CSMD1: variants seen among roughly 807,000 people sequenced by gnomAD.
CSMD1 encodes CUB and Sushi multiple domains 1.
CSMD1 carries 213 observed loss-of-function variants against 417.5 expected under a neutral mutation model. The ratio of observed to expected loss-of-function variants is 0.51; its 90% CI spans 0.46 to 0.57. The LOEUF is 0.57. Among genes scored for constraint, CSMD1 ranks in the 20% least tolerant of loss-of-function variants. The pLI is 0.00. For synonymous variants in CSMD1, 2,862 were observed against 1,736.8 expected, an observed-to-expected ratio of 1.65 and a Z score of -16.11; for missense variants, 6,923 against 4,529.7, an observed-to-expected ratio of 1.53 and a Z score of -15.17.
chr8:4,009,354 T>G (rs867342844), intron 4 of CSMD1, among the ~76,000 whole-genome samples: 77 of 152,316 alleles, frequency 5.1e-4, no homozygotes, highest in African/African-American at 1.7e-3. Flanking sequence ...GGACATAATT[T>G]AAAATACAGA....
At chr8:3,889,212 A>G (rs1173561048) in intron 5 of CSMD1, among the ~76,000 whole-genome samples, 8 of 151,878 alleles carry the variant, frequency 5.3e-5, no homozygotes, top group Non-Finnish European at 7.4e-5. Context: ...AGCAGCAGCA[A>G]TAATAATTAA....
chr8:4,825,501 T>G (rs1799773037), intron 1 of CSMD1, among the ~76,000 whole-genome samples: 1 of 152,028 alleles, frequency 6.6e-6, no homozygotes, highest in African/African-American at 2.4e-5. Context: ...TCGCCCGATT[T>G]TTCCTTCCCC....
At chr8:3,591,212 C>G (rs1199546712) in intron 8 of CSMD1, among the ~76,000 whole-genome samples, 1 of 152,132 alleles carries the variant, frequency 6.6e-6, no homozygotes, top group Non-Finnish European at 1.5e-5. Context: ...CAAAAGTTAA[C>G]TCAAACAAAG....
intron 1 of CSMD1, among the ~76,000 whole-genome samples, chr8:4,873,556 T>A (rs1010747913): frequency 6.6e-6 from 1 of 152,112 alleles, no homozygotes; most frequent in Non-Finnish European, 1.5e-5. Context: ...GAACATATGA[T>A]ACTTCAAAGT....
chr8:3,535,923 G>A (rs1180642619), intron 10 of CSMD1, among the ~76,000 whole-genome samples: 1 of 152,130 alleles, frequency 6.6e-6, no homozygotes, highest in African/African-American at 2.4e-5. Flanking sequence ...GCTGCTTCAA[G>A]GCTAGCAGGA....
At chr8:4,395,033 T>A (rs898242737) in intron 3 of CSMD1, among the ~76,000 whole-genome samples, 8 of 152,110 alleles carry the variant, frequency 5.3e-5, no homozygotes, top group Admixed American at 4.6e-4. Flanking sequence ...GCGTGGCATA[T>A]CCCATATCCC....
At chr8:2,995,464 G>A (rs990384548) in intron 54 of CSMD1, among the ~76,000 whole-genome samples, 4 of 152,270 alleles carry the variant, frequency 2.6e-5, no homozygotes, top group Middle Eastern at 3.4e-3. Flanking sequence ...AAATAGTACC[G>A]CCATGCTGGA....
At chr8:4,364,522 T>A (rs1014191719) in intron 3 of CSMD1, among the ~76,000 whole-genome samples, 1 of 141,942 alleles carries the variant, frequency 7.0e-6, no homozygotes, top group Admixed American at 7.3e-5. Flanking sequence ...AGTTAAAACA[T>A]TTTTTAAAAA....
At chr8:3,757,381 C>G (rs541871746) in intron 5 of CSMD1, among the ~76,000 whole-genome samples, 2 of 152,136 alleles carry the variant, frequency 1.3e-5, no homozygotes, top group Admixed American at 1.3e-4. Flanking sequence ...TGGGTGTGTT[C>G]CAATAACACT....
chr8:3,072,776 T>G (rs1813404986), intron 49 of CSMD1, among the ~76,000 whole-genome samples: 1 of 152,196 alleles, frequency 6.6e-6, no homozygotes, highest in East Asian at 1.9e-4. Flanking sequence ...AGCATCGTAT[T>G]GGTTAGCACA....
intron 2 of CSMD1, among the ~76,000 whole-genome samples, chr8:4,628,586 G>A (rs1802302537): frequency 7.2e-6 from 1 of 139,648 alleles, no homozygotes; most frequent in African/African-American, 2.6e-5. Flanking sequence ...CAAGGACAGA[G>A]AACACACACA....
chr8:4,633,531 G>C (rs1318399942), intron 2 of CSMD1, among the ~76,000 whole-genome samples: 3 of 151,698 alleles, frequency 2.0e-5, no homozygotes, highest in Non-Finnish European at 2.9e-5. Context: ...TTACAGGTAA[G>C]AGCCGCCATG....
intron 1 of CSMD1, among the ~76,000 whole-genome samples, chr8:4,811,202 A>C (rs1407580966): frequency 6.6e-6 from 1 of 152,156 alleles, no homozygotes; most frequent in African/African-American, 2.4e-5. Flanking sequence ...TTTCTGGAAA[A>C]TGGTGAATCA....
intron 1 of CSMD1, among the ~76,000 whole-genome samples, chr8:4,652,883 T>G (rs1803997258): frequency 6.6e-6 from 1 of 151,992 alleles, no homozygotes; most frequent in Non-Finnish European, 1.5e-5. Context: ...CATGCTCCTG[T>G]AAGAATCTAA....
chr8:4,047,478 T>A (rs968246871), intron 3 of CSMD1, among the ~76,000 whole-genome samples: 1 of 152,144 alleles, frequency 6.6e-6, no homozygotes, highest in Non-Finnish European at 1.5e-5. Flanking sequence ...TAACTCAGAT[T>A]AGTGGTAGCG....
chr8:4,268,501 T>G (rs986386056), intron 3 of CSMD1, among the ~76,000 whole-genome samples: 2 of 152,192 alleles, frequency 1.3e-5, no homozygotes, highest in Non-Finnish European at 2.9e-5. Context: ...TTGTAGTATT[T>G]AGAGAAACAA....
intron 5 of CSMD1, among the ~76,000 whole-genome samples, chr8:3,838,915 GTA>G (rs1369692822): frequency 2.0e-5 from 2 of 101,696 alleles, no homozygotes; most frequent in Non-Finnish European, 3.5e-5. Flanking sequence ...CTCTAGATAT[GTA>G]TAGTCTCTCT....
At chr8:3,469,134 A>C (rs535963764) in intron 11 of CSMD1, 2 of 241,058 alleles carry the variant, frequency 8.3e-6, no homozygotes, top group African/African-American at 2.3e-5. Flanking sequence ...AGGAATTACA[A>C]TGTTACAACT....
At chr8:4,993,193 G>C (rs879633967) in intron 1 of CSMD1, among the ~76,000 whole-genome samples, 2 of 152,052 alleles carry the variant, frequency 1.3e-5, no homozygotes, top group Non-Finnish European at 2.9e-5. Flanking sequence ...AAAAAAGCAA[G>C]TGACCATTGA....
Sources: allele counts gnomAD v4.1 joint callset (sites outside exome capture counted in the v4.1 genomes callset), GRCh38; gene constraint gnomAD v4.1.1; transcripts MANE v1.5; gene names NCBI Gene and HGNC (gene_info 2026-07-23, HGNC 2026-07-21).